The following CASD1 variants were observed in gnomAD, a reference collection of about 807,000 sequenced individuals.
CASD1 encodes CAS1 domain sialic acid O acetyltransferase 1, also known as N-acetylneuraminate (7)9-O-acetyltransferase.
In CASD1, 41 loss-of-function variants were observed where a neutral mutation model predicts 100.0. The ratio of observed to expected loss-of-function variants is 0.41; its 90% CI spans 0.32 to 0.53. CASD1 has a LOEUF of 0.53. CASD1 is among the 20% of genes least tolerant of loss of function. The pLI is 0.25. For missense variants in CASD1, 774 were observed against 948.7 expected (o/e 0.82, Z 2.42); for synonymous variants, 321 against 315.6 (o/e 1.02, Z -0.18).
chr7:94,528,946 T>G (rs562726209), intron 5 of CASD1, among the ~76,000 whole-genome samples: 1 of 152,074 alleles, frequency 6.6e-6, no homozygotes, highest in African/African-American at 2.4e-5. Context: ...AGTTTTTTGG[T>G]TTGGGATTTT....
At chr7:94,614,127 A>C in the CASD1 span, among the ~76,000 whole-genome samples, 1 of 151,376 alleles carries the variant, frequency 6.6e-6, no homozygotes, top group Non-Finnish European at 1.5e-5. Context: ...AAAAAAAAAA[A>C]AAACACAGTA....
chr7:94,537,306 A>T (rs1795168237), intron 8 of CASD1, among the ~76,000 whole-genome samples, 166 bp from the exon 9 acceptor site: 1 of 152,218 alleles, frequency 6.6e-6, no homozygotes, highest in Admixed American at 6.5e-5. Flanking sequence ...ACTAGCTGTT[A>T]CAGATGGAAT....
In CASD1 at chr7:94,510,122, T is replaced by A. The variant is rs1793613238; in HGVS notation, c.38T>A (p.Ile13Asn). The change falls in exon 1 of 18, where the codon ATC becomes AAC. Residue 13 changes from isoleucine to asparagine, a missense_variant. Transcript: ENST00000297273. The stretch of plus-strand genomic sequence containing the variant: ...GCCTACAACCTGGGCAAGCGGGAGA[T>A]CAACCACTACTTCAGCGTGAGGAGC... The part of the protein sequence containing the change: ...ALAYNLGKRE[I>N]NHYFSVRSAK... 2.0e-6 allele frequency: 3 copies of A among 1,529,908 alleles called. No individual in the cohort carries two copies. In the Admixed American group the frequency reaches 6.2e-5, roughly 31 times the overall value. 94.8% of individuals were successfully genotyped at this position (1,529,908 alleles called of 1,614,324 possible).
chr7:94,516,035 T>C (rs1793963520), intron 1 of CASD1, among the ~76,000 whole-genome samples: 1 of 152,108 alleles, frequency 6.6e-6, no homozygotes, highest in Non-Finnish European at 1.5e-5. Context: ...TCCTTAGTTA[T>C]TTATGTAGCC....
chr7:94,546,001 C>T (rs769203682), intron 12 of CASD1, among the ~76,000 whole-genome samples: 2 of 151,900 alleles, frequency 1.3e-5, no homozygotes, highest in Non-Finnish European at 1.5e-5. Context: ...AAACTGTCTT[C>T]TTATACAGAG....
chr7:94,572,937 C>A, the CASD1 span, among the ~76,000 whole-genome samples: 4 of 152,126 alleles, frequency 2.6e-5, no homozygotes, highest in Non-Finnish European at 5.9e-5. Context: ...AAATTCCAAT[C>A]TTCTGCATAT....
chr7:94,614,638 A>C, the CASD1 span, among the ~76,000 whole-genome samples: 1 of 152,168 alleles, frequency 6.6e-6, no homozygotes, highest in Admixed American at 6.5e-5. Flanking sequence ...TTTTCAACTC[A>C]GTCAGCCTTC....
chr7:94,560,731 C>T (rs1796325918), downstream of CASD1, among the ~76,000 whole-genome samples: 1 of 152,064 alleles, frequency 6.6e-6, no homozygotes, highest in Non-Finnish European at 1.5e-5. Context: ...TAGAAATATT[C>T]TTTAAATAGC....
chr7:94,600,864 T>C, the CASD1 span: 1 of 1,599,314 alleles, frequency 6.3e-7, no homozygotes, highest in Non-Finnish European at 8.5e-7. Flanking sequence ...CAACCTGATA[T>C]AAAAGAAGAC....
chr7:94,619,628 CTT>C, the CASD1 span: 16 of 152,286 alleles, frequency 1.1e-4, no homozygotes, highest in African/African-American at 3.1e-4. Flanking sequence ...TAATTGTTCT[CTT>C]ACGATAAATA....
chr7:94,533,794 T>C lies in CASD1; in HGVS notation c.620T>C (p.Val207Ala). 6.3e-7 allele frequency: 1 copy of C among 1,575,838 alleles called. No individual in the cohort carries two copies. The highest frequency in any genetic ancestry group is 1.4e-5 in the African/African-American group (1 of 73,144). The stretch of plus-strand genomic sequence containing the variant: ...GCAAAGACTAGTGATGTTTATTGGG[T>C]CTTACAAGGTAAGGAATGAGTAATG... ...KLAKTSDVYW[V>A]LQDPVYEDLL... The change falls in exon 7 of 18, where the codon GTC (valine) becomes GCC (alanine). Residue 207 changes from valine to alanine, a missense_variant. Val to Ala is a moderately conservative substitution (Grantham distance 64). This residue lies in a region of CASD1 where 453 missense variants were observed against 532.6 expected (regional missense o/e 0.85). Transcript: ENST00000297273.
chr7:94,523,486 G>A (rs1027209736), intron 3 of CASD1, among the ~76,000 whole-genome samples: 1 of 152,014 alleles, frequency 6.6e-6, no homozygotes, highest in African/African-American at 2.4e-5. Flanking sequence ...ATGTTACATA[G>A]GAATAAACAG....
At chr7:94,532,415 A>C (rs534526045) in intron 5 of CASD1, among the ~76,000 whole-genome samples, 1 of 152,260 alleles carries the variant, frequency 6.6e-6, no homozygotes, top group African/African-American at 2.4e-5. Context: ...CTGATAACTG[A>C]GACGGCCACT....
chr7:94,512,244 T>C (rs1459228011), intron 1 of CASD1, among the ~76,000 whole-genome samples: 1 of 152,186 alleles, frequency 6.6e-6, no homozygotes, highest in Non-Finnish European at 1.5e-5. Context: ...ACACTCATGA[T>C]AGCTGATGAG....
intron 5 of CASD1, among the ~76,000 whole-genome samples, chr7:94,529,386 A>G (rs1350799343): frequency 6.6e-6 from 1 of 152,172 alleles, no homozygotes; most frequent in Non-Finnish European, 1.5e-5. Flanking sequence ...CAATTCTCAT[A>G]CATTTGTTAA....
the CASD1 span, among the ~76,000 whole-genome samples, chr7:94,630,348 T>C: frequency 1.8e-4 from 28 of 151,978 alleles, no homozygotes; most frequent in African/African-American, 6.5e-4. Flanking sequence ...ATACATGTAA[T>C]GCGGTTTTTA....
the CASD1 span, among the ~76,000 whole-genome samples, chr7:94,565,154 T>G: frequency 6.6e-6 from 1 of 152,082 alleles, no homozygotes; most frequent in Non-Finnish European, 1.5e-5. Context: ...CCCCCAAGAC[T>G]CTAATGGTAA....
intron 3 of CASD1, chr7:94,524,087 C>T (rs1160463306): frequency 1.3e-5 from 2 of 151,650 alleles, no homozygotes; most frequent in East Asian, 3.9e-4. Context: ...AAATTTGAAA[C>T]CTTTAGAAAT....
the CASD1 span, among the ~76,000 whole-genome samples, chr7:94,582,946 T>C: frequency 6.6e-6 from 1 of 152,218 alleles, no homozygotes; most frequent in African/African-American, 2.4e-5. Context: ...AGGTGTTTCA[T>C]AGGAAATTCT....
Sources: gnomAD v4.1 joint callset for allele counts (sites outside exome capture counted in the v4.1 genomes callset) on GRCh38, gnomAD v4.1.1 for gene constraint, gnomAD v4.1.1 regional missense constraint, MANE v1.5 for transcripts, NCBI Gene and HGNC (gene_info 2026-07-23, HGNC 2026-07-21) for gene names.